The following DPP10 variants were observed in gnomAD, a reference collection of about 807,000 sequenced individuals.
DPP10 encodes the protein inactive dipeptidyl peptidase 10.
A neutral mutation model predicts 120.9 loss-of-function variants in DPP10; 33 were observed. The observed-to-expected ratio is 0.27, with a 90% CI of 0.21 to 0.37. DPP10 has a LOEUF of 0.37. DPP10 is among the 10% of genes least tolerant of loss of function. DPP10 has a pLI of 1.00. For synonymous variants in DPP10, 337 were observed against 326.1 expected (o/e 1.03, Z -0.36); for missense variants, 816 against 942.8 (o/e 0.87, Z 1.76).
At chr2:115,745,260 A>G (rs1677805292) in intron 9 of DPP10, among the ~76,000 whole-genome samples, 1 of 150,554 alleles carries the variant, frequency 6.6e-6, no homozygotes, top group South Asian at 2.1e-4. Flanking sequence ...TAGATTCTCC[A>G]TTGTGACCAA....
chr2:115,292,718 T>C (rs879875761), intron 1 of DPP10, among the ~76,000 whole-genome samples: 7 of 152,154 alleles, frequency 4.6e-5, no homozygotes, highest in Non-Finnish European at 8.8e-5. Context: ...TTGATGATGC[T>C]ATTGGTTTAC....
intron 1 of DPP10, among the ~76,000 whole-genome samples, chr2:115,286,543 AAT>A (rs2060411570): frequency 9.5e-6 from 1 of 104,810 alleles, no homozygotes; most frequent in Non-Finnish European, 2.0e-5. Context: ...ATATATATAA[AAT>A]ATATACAGAA....
At chr2:115,075,899 G>A (rs1414681086) in intron 1 of DPP10, among the ~76,000 whole-genome samples, 1 of 152,134 alleles carries the variant, frequency 6.6e-6, no homozygotes, top group East Asian at 1.9e-4. Context: ...AGGTTCAAAA[G>A]TGCTTTGGTA....
At chr2:114,576,333 T>G (rs1334750599) in intron 1 of DPP10, among the ~76,000 whole-genome samples, 1 of 152,158 alleles carries the variant, frequency 6.6e-6, no homozygotes, top group Non-Finnish European at 1.5e-5. Flanking sequence ...TTTGTTTGTG[T>G]CACTACCTGT....
chr2:115,030,067 C>G (rs933852663), intron 1 of DPP10, among the ~76,000 whole-genome samples: 2 of 152,146 alleles, frequency 1.3e-5, no homozygotes, highest in African/African-American at 4.8e-5. Context: ...CAATGAATTT[C>G]TTCAACTCAG....
At chr2:114,852,546 A>G (rs933978298) in intron 1 of DPP10, among the ~76,000 whole-genome samples, 3 of 152,170 alleles carry the variant, frequency 2.0e-5, no homozygotes, top group Non-Finnish European at 4.4e-5. Context: ...AAAGTACACA[A>G]GAATGTGTGT....
intron 1 of DPP10, among the ~76,000 whole-genome samples, chr2:114,634,824 T>G (rs1695191826): frequency 1.3e-5 from 2 of 151,884 alleles, no homozygotes; most frequent in African/African-American, 2.4e-5. Context: ...CACTAGAAAC[T>G]TTTATTGTTC....
intron 1 of DPP10, among the ~76,000 whole-genome samples, chr2:114,998,845 ACTC>A (rs1357213640): frequency 6.6e-6 from 1 of 151,926 alleles, no homozygotes; most frequent in Admixed American, 6.6e-5. Flanking sequence ...CAGCAGGAAT[ACTC>A]CTTAAGATGC....
intron 2 of DPP10, 28 bp from the exon 3 acceptor site, chr2:115,343,789 A>C: frequency 6.4e-7 from 1 of 1,551,160 alleles, no homozygotes; most frequent in South Asian, 1.2e-5. Flanking sequence ...TAAGATAGGC[A>C]TCTAACCTAG....
intron 1 of DPP10, among the ~76,000 whole-genome samples, chr2:114,713,998 AAAAAT>A (rs1701195898): frequency 1.3e-5 from 2 of 151,308 alleles, no homozygotes; most frequent in African/African-American, 2.4e-5. Flanking sequence ...AAAAAAAGAA[AAAAAT>A]AAAATAATAA....
At chr2:114,859,823 C>T (rs1022928864) in intron 1 of DPP10, among the ~76,000 whole-genome samples, 1 of 152,126 alleles carries the variant, frequency 6.6e-6, no homozygotes, top group Non-Finnish European at 1.5e-5. Flanking sequence ...TCCTGAAACT[C>T]ATCTCTTGTT....
intron 1 of DPP10, among the ~76,000 whole-genome samples, chr2:115,192,815 GAGC>G (rs2054977446): frequency 6.6e-6 from 1 of 151,658 alleles, no homozygotes; most frequent in South Asian, 2.1e-4. Flanking sequence ...TTTTGTTAAA[GAGC>G]AGGTTAGTGC....
At chr2:115,804,983 C>A (rs1353475448) in intron 19 of DPP10, among the ~76,000 whole-genome samples, 3 of 152,182 alleles carry the variant, frequency 2.0e-5, no homozygotes, top group Non-Finnish European at 2.9e-5. Context: ...TTTAAGTCTG[C>A]AGAGGTTATT....
At chr2:114,519,911 T>C (rs554460249) in intron 1 of DPP10, among the ~76,000 whole-genome samples, 54 of 152,248 alleles carry the variant, frequency 3.5e-4, no homozygotes, top group Non-Finnish European at 7.3e-4. Flanking sequence ...TTATTTCACA[T>C]TCCTCTTCAT....
chr2:115,802,691 C>T (rs1163125591), intron 19 of DPP10, among the ~76,000 whole-genome samples: 1 of 152,116 alleles, frequency 6.6e-6, no homozygotes, highest in Non-Finnish European at 1.5e-5. Flanking sequence ...GTTATGTACC[C>T]AGTAGTCATT....
At chr2:115,234,326 T>G (rs1019172404) in intron 1 of DPP10, 2 of 186,290 alleles carry the variant, frequency 1.1e-5, no homozygotes, top group African/African-American at 4.8e-5. Flanking sequence ...AGTGTTTAAC[T>G]TGCTTGTTTC....
intron 1 of DPP10, among the ~76,000 whole-genome samples, chr2:114,759,349 C>T (rs1007521190): frequency 2.6e-5 from 4 of 152,118 alleles, no homozygotes; most frequent in Non-Finnish European, 5.9e-5. Context: ...ATCATTCATA[C>T]GAGCACAGTG....
chr2:114,999,588 C>G (rs979985963), intron 1 of DPP10, among the ~76,000 whole-genome samples: 1 of 152,134 alleles, frequency 6.6e-6, no homozygotes, highest in Non-Finnish European at 1.5e-5. Context: ...CACCTCCTGT[C>G]CTTTCTTATC....
intron 1 of DPP10, among the ~76,000 whole-genome samples, chr2:114,722,346 G>A (rs911646352): frequency 6.6e-6 from 1 of 152,100 alleles, no homozygotes; most frequent in Admixed American, 6.5e-5. Context: ...TCCCAGTTGA[G>A]TTTCAGGTAG....
Sources: gnomAD v4.1 joint callset for allele counts (sites outside exome capture counted in the v4.1 genomes callset) on GRCh38, gnomAD v4.1.1 for gene constraint, MANE v1.5 for transcripts, NCBI Gene and HGNC (gene_info 2026-07-23, HGNC 2026-07-21) for gene names.